The following NR3C2 variants were observed in gnomAD, a reference collection of about 807,000 sequenced individuals.
The protein encoded by NR3C2 is nuclear receptor subfamily 3 group C member 2.
Under a neutral mutation model 86.4 loss-of-function variants are expected in NR3C2, and 15 were observed. The observed-to-expected ratio is 0.17, with a 90% CI of 0.12 to 0.27. The LOEUF (loss-of-function observed/expected upper bound fraction) is 0.27. Among genes scored for constraint, NR3C2 ranks in the 10% least tolerant of loss-of-function variants. The pLI, the probability that NR3C2 is intolerant of heterozygous loss-of-function variation, is 1.00. For missense variants in NR3C2, 960 were observed against 1,195.6 expected (o/e 0.80, Z 2.91); for synonymous variants, 458 against 450.5 (o/e 1.02, Z -0.21).
intron 2 of NR3C2, among the ~76,000 whole-genome samples, chr4:148,332,674 T>C (rs551412454): frequency 6.6e-6 from 1 of 152,334 alleles, no homozygotes; most frequent in East Asian, 1.9e-4. Flanking sequence ...AATATTTCCA[T>C]GTAACCTTAG....
At chr4:148,203,603 A>T (rs1736844522) in intron 3 of NR3C2, among the ~76,000 whole-genome samples, 1 of 151,938 alleles carries the variant, frequency 6.6e-6, no homozygotes, top group Non-Finnish European at 1.5e-5. Context: ...CAGCCCCAGC[A>T]AATTCCCGCA....
chr4:148,442,208 G>GCC lies in NR3C2; in HGVS notation c.-53_-52dup, dbSNP rs1262047747. 1.3e-5 allele frequency: 2 copies of GCC among 152,850 alleles called. No individual in the cohort carries two copies. The highest frequency in any genetic ancestry group is 4.8e-5 in the African/African-American group (2 of 41,470). 9.5% of individuals were successfully genotyped at this position (152,850 alleles called of 1,614,324 possible). On this transcript the variant is annotated 5_prime_UTR_variant, in exon 1 of 9. Coordinates refer to ENST00000358102, the MANE Select transcript of NR3C2 (RefSeq NM_000901.5). ...TCGCCGTCTACCTGTTGCAGCGCTT[G>GCC]CCACCGCCACGAAACCCCTGCTGCG...
intron 2 of NR3C2, among the ~76,000 whole-genome samples, chr4:148,345,505 T>C (rs752101587): frequency 5.3e-5 from 8 of 152,040 alleles, no homozygotes; most frequent in Non-Finnish European, 8.8e-5. Context: ...ACCTCTATCT[T>C]ATGGATTTAT....
rs762201553 is a variant in NR3C2, at chr4:148,260,131, T to A, written c.1758-14A>T. 1 of 1,613,802 alleles carries A rather than the reference T, an allele frequency of 6.2e-7. No individual in the cohort carries two copies. Among genetic ancestry groups the A allele is most frequent in the Non-Finnish European group, 8.5e-7 (1 of 1,179,888 alleles). On this transcript the variant is annotated splice_polypyrimidine_tract_variant and intron_variant, in intron 2 of 8. Coordinates refer to ENST00000358102, the MANE Select transcript of NR3C2 (RefSeq NM_000901.5). ...CGTAAAGTAGAGCTGGGGAAAGAAA[T>A]TGAGATTTAAATAACTACACCGTAA...
chr4:148,371,653 C>A (rs948182397), intron 2 of NR3C2, among the ~76,000 whole-genome samples: 1 of 151,748 alleles, frequency 6.6e-6, no homozygotes, highest in Admixed American at 6.6e-5. Context: ...TTCAAAAGCA[C>A]CCGAAATTTG....
chr4:148,356,122 T>G (rs941246725), intron 2 of NR3C2, among the ~76,000 whole-genome samples: 2 of 152,166 alleles, frequency 1.3e-5, no homozygotes, highest in African/African-American at 4.8e-5. Context: ...AAAACTCTCA[T>G]TATGCAAGGG....
At chr4:148,432,231 T>C (rs2126642418) in intron 2 of NR3C2, among the ~76,000 whole-genome samples, 1 of 152,304 alleles carries the variant, frequency 6.6e-6, no homozygotes, top group South Asian at 2.1e-4. Context: ...CGTGTGGTGC[T>C]ATGTTTTTCT....
At position 148,081,310 on chromosome 4, in the gene NR3C2, A is replaced by AACTT. The variant is rs762190854; in HGVS notation, c.*30_*33dup. On this transcript the variant is annotated 3_prime_UTR_variant, in exon 9 of 9. Transcript: ENST00000358102. ...TTCTGGGTGTGGAACAACACAGGGA[A>AACTT]ACTTAAGGCAAAGTTCTTCTGGGCA... 15 of 1,614,020 alleles carry AACTT rather than the reference A, an allele frequency of 9.3e-6. No homozygotes were observed. The African/African-American group carries it at 9.3e-5, about 10-fold the overall frequency.
chr4:148,232,764 C>T (rs909673231), intron 3 of NR3C2, among the ~76,000 whole-genome samples: 8 of 152,172 alleles, frequency 5.3e-5, no homozygotes, highest in African/African-American at 1.7e-4. Flanking sequence ...GTGTAGCCAC[C>T]TTCATCAATT....
At chr4:148,213,442 A>G (rs1737378305) in intron 3 of NR3C2, among the ~76,000 whole-genome samples, 1 of 152,190 alleles carries the variant, frequency 6.6e-6, no homozygotes, top group Admixed American at 6.5e-5. Flanking sequence ...ATTTTTATGT[A>G]TGTTTAGTGT....
At chr4:148,126,808 C>G (rs1200027695) in intron 6 of NR3C2, among the ~76,000 whole-genome samples, 1 of 152,178 alleles carries the variant, frequency 6.6e-6, no homozygotes, top group African/African-American at 2.4e-5. Context: ...CCCACCAGAG[C>G]TAAATTTCTT....
chr4:148,305,499 T>A lies in NR3C2; in HGVS notation c.1758-45382A>T, dbSNP rs190986410. Among the ~76,000 whole-genome samples the A allele has an allele frequency of 3.0e-3, 421 of 142,412 alleles. 1 individual carries two copies. The highest frequency in any genetic ancestry group is 5.5e-3 in the Non-Finnish European group (368 of 66,508). The allele number at this position is 142,412 out of a possible 152,430, so 93.4% of individuals were successfully genotyped here. The stretch of plus-strand genomic sequence containing the variant: ...GCACAGCACTGTGTTGCAGAACTAA[T>A]AGAGTCCACCGGATCATTTTGCAAG... On this transcript the variant is annotated intron_variant, in intron 2 of 8. Transcript: ENST00000358102.
At chr4:148,142,002 G>C (rs1001034953) in intron 6 of NR3C2, among the ~76,000 whole-genome samples, 2 of 152,152 alleles carry the variant, frequency 1.3e-5, no homozygotes, top group Non-Finnish European at 1.5e-5. Context: ...CAAGTCAGCA[G>C]CGAGAAAGTA....
intron 2 of NR3C2, chr4:148,368,498 C>A (rs2126365091): frequency 6.6e-6 from 1 of 152,214 alleles, no homozygotes; most frequent in African/African-American, 2.4e-5. Flanking sequence ...TTGTCACTAG[C>A]AGTAACAAAT....
At chr4:148,122,586 C>T (rs538350915) in intron 6 of NR3C2, among the ~76,000 whole-genome samples, 164 of 152,238 alleles carry the variant, frequency 1.1e-3, no homozygotes, top group Admixed American at 2.2e-3. Flanking sequence ...TCCCTTCTTC[C>T]TCCTTCTCTT....
chr4:148,091,601 G>A (rs867972017), intron 8 of NR3C2, among the ~76,000 whole-genome samples: 21 of 152,316 alleles, frequency 1.4e-4, no homozygotes, highest in Middle Eastern at 6.8e-3. Context: ...GTGCCACACC[G>A]CTGTGTTACG....
intron 2 of NR3C2, among the ~76,000 whole-genome samples, chr4:148,404,955 G>T (rs192011977): frequency 7.1e-4 from 108 of 152,180 alleles, no homozygotes; most frequent in Non-Finnish European, 1.3e-3. Flanking sequence ...GAATTAGATG[G>T]TTCCAAACTC....
chr4:148,082,219 A>G (rs1560910580), intron 8 of NR3C2, among the ~76,000 whole-genome samples: 2 of 152,174 alleles, frequency 1.3e-5, no homozygotes, highest in African/African-American at 4.8e-5. Flanking sequence ...AACTTTTCTC[A>G]GCCCCTCCAG....
At chr4:148,381,154 G>C (rs1479946321) in intron 2 of NR3C2, among the ~76,000 whole-genome samples, 1 of 151,770 alleles carries the variant, frequency 6.6e-6, no homozygotes, top group Non-Finnish European at 1.5e-5. Flanking sequence ...CTTGAGCCCA[G>C]GAGACAGAGG....
Sources: gnomAD v4.1 joint callset for allele counts (sites outside exome capture counted in the v4.1 genomes callset) on GRCh38, gnomAD v4.1.1 for gene constraint, MANE v1.5 for transcripts, NCBI Gene and HGNC (gene_info 2026-07-23, HGNC 2026-07-21) for gene names.